SPTBN1: variants seen among roughly 807,000 people sequenced by gnomAD.
SPTBN1 encodes spectrin beta, non-erythrocytic 1, also known as spectrin beta chain, non-erythrocytic 1.
In SPTBN1, 32 loss-of-function variants were observed where a neutral mutation model predicts 266.4. That is an observed-to-expected ratio of 0.12 (90% CI 0.09 to 0.16). The LOEUF is 0.16. Among genes scored for constraint, SPTBN1 ranks in the 10% least tolerant of loss-of-function variants. SPTBN1 has a pLI of 1.00. For synonymous variants in SPTBN1, 1,336 were observed against 1,162.2 expected, an observed-to-expected ratio of 1.15 and a Z score of -3.04; for missense variants, 2,296 against 3,067.1, an observed-to-expected ratio of 0.75 and a Z score of 5.94.
chr2:54,597,936 G>A (rs1291713912), intron 2 of SPTBN1, among the ~76,000 whole-genome samples: 3 of 143,888 alleles, frequency 2.1e-5, no homozygotes, highest in African/African-American at 7.7e-5. Context: ...TGCACTAGGA[G>A]TAGGTCTTAG....
chr2:54,560,187 TG>T (rs138411199), intron 2 of SPTBN1, among the ~76,000 whole-genome samples: 5,233 of 114,440 alleles, frequency 0.046, 346 homozygotes, highest in African/African-American at 0.14. Flanking sequence ...GGAGTTGGGG[TG>T]GGGGGGGGCG....
At chr2:54,467,983 C>T (rs1558751139) in intron 1 of SPTBN1, among the ~76,000 whole-genome samples, 1 of 152,126 alleles carries the variant, frequency 6.6e-6, no homozygotes, top group Non-Finnish European at 1.5e-5. Context: ...TCACTAGATA[C>T]TATGTGACCC....
Position 54,625,917 on chromosome 2 carries a change from T to C in SPTBN1, c.1342-15T>C, listed in dbSNP as rs758558747. 10 of 1,607,826 alleles carry C rather than the reference T, an allele frequency of 6.2e-6. No homozygotes were observed. The highest frequency in any genetic ancestry group is 1.7e-4 in the Middle Eastern group (1 of 6,060). ...GATTTTTTATTTTCCTTCTTTTCAT[T>C]CCGTTTCTCTGTAGGACAACTTTGG... On this transcript the variant is annotated splice_polypyrimidine_tract_variant and intron_variant, in intron 11 of 35. Coordinates refer to ENST00000356805, the MANE Select transcript of SPTBN1 (RefSeq NM_003128.3).
chr2:54,666,102 T>C lies in SPTBN1; in HGVS notation c.6833+14T>C. 6.2e-7 allele frequency: 1 copy of C among 1,601,086 alleles called. No individual in the cohort carries two copies. Among genetic ancestry groups the C allele is most frequent in the Non-Finnish European group, 8.5e-7 (1 of 1,173,834 alleles). On this transcript the variant is annotated intron_variant, in intron 34 of 35. Coordinates refer to ENST00000356805, the MANE Select transcript of SPTBN1 (RefSeq NM_003128.3). ...ATTCAAGCTAAGGTGAGAGTCGCCG[T>C]GCTTCATGGCTGCCAGAGTGGGTTT... is the stretch of plus-strand genomic sequence containing the variant.
At chr2:54,528,873 TG>T (rs150543482) in intron 2 of SPTBN1, among the ~76,000 whole-genome samples, 1 of 152,038 alleles carries the variant, frequency 6.6e-6, no homozygotes, top group Non-Finnish European at 1.5e-5. Context: ...TGATACTGGA[TG>T]GGGGGGCAGG....
chr2:54,617,997 T>A, intron 6 of SPTBN1, 81 bp from the exon 7 acceptor site: 1 of 1,147,448 alleles, frequency 8.7e-7, no homozygotes, highest in South Asian at 1.4e-5. Context: ...TTTAACCTTT[T>A]TGGAGTAACA....
chr2:54,466,027 A>C (rs1234624308), intron 1 of SPTBN1, among the ~76,000 whole-genome samples: 1 of 152,222 alleles, frequency 6.6e-6, no homozygotes, highest in Non-Finnish European at 1.5e-5. Context: ...GATGTTATCA[A>C]GATTGCTTTA....
At chr2:54,465,582 T>C (rs1693583518) in intron 1 of SPTBN1, among the ~76,000 whole-genome samples, 1 of 150,694 alleles carries the variant, frequency 6.6e-6, no homozygotes, top group African/African-American at 2.4e-5. Flanking sequence ...GAAATTCCTG[T>C]GCAATGTTAT....
chr2:54,551,008 T>C (rs1381155589), intron 2 of SPTBN1, among the ~76,000 whole-genome samples: 1 of 152,204 alleles, frequency 6.6e-6, no homozygotes, highest in Admixed American at 6.5e-5. Context: ...CCTTTTCACA[T>C]TTTCTTTTCA....
chr2:54,486,509 A>G (rs1329315699), intron 1 of SPTBN1, among the ~76,000 whole-genome samples: 1 of 152,106 alleles, frequency 6.6e-6, no homozygotes, highest in Admixed American at 6.5e-5. Context: ...TGTTAAACAG[A>G]TGCTTGAAGG....
intron 2 of SPTBN1, among the ~76,000 whole-genome samples, chr2:54,571,553 A>T (rs899164202): frequency 2.1e-5 from 1 of 48,694 alleles, no homozygotes; most frequent in African/African-American, 8.3e-5. Context: ...ATGTACACAC[A>T]CACACACACA....
chr2:54,500,070 G>A (rs1669169918), intron 1 of SPTBN1, among the ~76,000 whole-genome samples: 1 of 152,148 alleles, frequency 6.6e-6, no homozygotes, highest in Non-Finnish European at 1.5e-5. Context: ...GTGTTTTTCT[G>A]TGATCTGTAA....
chr2:54,622,931 AATAG>A (rs1678091094), intron 9 of SPTBN1, among the ~76,000 whole-genome samples: 1 of 152,278 alleles, frequency 6.6e-6, no homozygotes, highest in South Asian at 2.1e-4. Context: ...AAAGAAAGAT[AATAG>A]ATAATTTCAT....
chr2:54,644,816 G>T (rs539273561), intron 20 of SPTBN1, among the ~76,000 whole-genome samples: 1 of 152,350 alleles, frequency 6.6e-6, no homozygotes, highest in Non-Finnish European at 1.5e-5. Context: ...GGCTGTCTGT[G>T]TATGGGATTG....
chr2:54,521,825 A>G (rs1470803567), intron 1 of SPTBN1, among the ~76,000 whole-genome samples: 1 of 151,972 alleles, frequency 6.6e-6, no homozygotes, highest in Non-Finnish European at 1.5e-5. Flanking sequence ...TGCTTGGCAT[A>G]TATTTATTTA....
At chr2:54,527,568 A>C (rs1228055823) in intron 2 of SPTBN1, 2 of 152,180 alleles carry the variant, frequency 1.3e-5, no homozygotes, top group African/African-American at 4.8e-5. Context: ...GTCTTTAAGC[A>C]AGACTTACTC....
chr2:54,660,970 T>A (rs1572777121), intron 32 of SPTBN1: 3 of 985,446 alleles, frequency 3.0e-6, no homozygotes, highest in Non-Finnish European at 3.6e-6. Flanking sequence ...TTCAAACAAA[T>A]GGAACAGAAG....
intron 1 of SPTBN1, among the ~76,000 whole-genome samples, chr2:54,481,743 A>G (rs1668116519): frequency 6.6e-6 from 1 of 152,198 alleles, no homozygotes; most frequent in Admixed American, 6.5e-5. Context: ...TGTTAGGCGC[A>G]GAGAGTGTGT....
At chr2:54,528,363 A>C (rs935378623) in intron 2 of SPTBN1, 1 of 152,598 alleles carries the variant, frequency 6.6e-6, no homozygotes, top group Non-Finnish European at 1.5e-5. Context: ...TCTTTCCTAC[A>C]GTTTGAGAGG....
Sources: allele counts gnomAD v4.1 joint callset (sites outside exome capture counted in the v4.1 genomes callset), GRCh38; gene constraint gnomAD v4.1.1; transcripts MANE v1.5; gene names NCBI Gene and HGNC (gene_info 2026-07-23, HGNC 2026-07-21).